Variants in MTUS2 observed in about 807,000 individuals in gnomAD.
MTUS2 encodes the protein microtubule associated scaffold protein 2, also known as microtubule-associated tumor suppressor candidate 2.
MTUS2 carries 40 observed loss-of-function variants against 114.1 expected under a neutral mutation model. The observed-to-expected ratio is 0.35, with a 90% CI of 0.27 to 0.46. The LOEUF (loss-of-function observed/expected upper bound fraction) is 0.46, where lower values mean the gene tolerates loss of function less well. Among genes scored for constraint, MTUS2 ranks in the 20% least tolerant of loss-of-function variants. The pLI is 1.00. For synonymous variants in MTUS2, 688 were observed against 672.0 expected, an observed-to-expected ratio of 1.02 and a Z score of -0.37; for missense variants, 1,679 against 1,705.4, an observed-to-expected ratio of 0.98 and a Z score of 0.27.
In MTUS2 at chr13:29,482,281, G is replaced by A. The variant is rs572757099; in HGVS notation, c.3399+1917G>A. ...AGCATCTCCACTCAGGGGCCAGGAC[G>A]CCTCGCTGAGGCCTCACCTATGCAG... On this transcript the variant is annotated intron_variant, in intron 10 of 15. Transcript: ENST00000612955. 4.6e-5 allele frequency: 7 copies of A among 152,312 alleles called. No homozygotes were observed. In the East Asian group the frequency reaches 5.8e-4, roughly 13 times the overall value. 9.4% of individuals were successfully genotyped at this position (152,312 alleles called of 1,614,324 possible).
At chr13:28,926,413 A>AGT (rs994854624) in intron 2 of MTUS2, among the ~76,000 whole-genome samples, 4 of 151,120 alleles carry the variant, frequency 2.6e-5, no homozygotes, top group African/African-American at 9.9e-5. Context: ...AATTTACTGA[A>AGT]GTATATACCC....
At chr13:29,130,009 C>A (rs1320357006) in intron 5 of MTUS2, among the ~76,000 whole-genome samples, 1 of 151,926 alleles carries the variant, frequency 6.6e-6, no homozygotes, top group Non-Finnish European at 1.5e-5. Flanking sequence ...GAGCCTTCAC[C>A]CTTTGTGTTT....
At chr13:29,008,161 G>A (rs1467002151) in intron 2 of MTUS2, among the ~76,000 whole-genome samples, 2 of 152,078 alleles carry the variant, frequency 1.3e-5, no homozygotes, top group Non-Finnish European at 2.9e-5. Flanking sequence ...TTTGCCACTT[G>A]ATTCAGTAAC....
chr13:29,277,015 A>T (rs1898091758), intron 5 of MTUS2, among the ~76,000 whole-genome samples: 1 of 152,192 alleles, frequency 6.6e-6, no homozygotes, highest in Non-Finnish European at 1.5e-5. Flanking sequence ...TCCCTACTTC[A>T]TACCCTTCAA....
At chr13:29,495,168 C>A (rs1593517389) in intron 12 of MTUS2, among the ~76,000 whole-genome samples, 1 of 81,174 alleles carries the variant, frequency 1.2e-5, no homozygotes, top group East Asian at 3.3e-4. Flanking sequence ...TGGACAAGAG[C>A]AAAACTCCGT....
chr13:28,946,853 A>G (rs1273483118), intron 2 of MTUS2, among the ~76,000 whole-genome samples: 1 of 152,068 alleles, frequency 6.6e-6, no homozygotes, highest in Admixed American at 6.6e-5. Flanking sequence ...CTGACCAGTC[A>G]CCAGTTTTTA....
At chr13:29,154,546 T>C (rs2139051167) in intron 5 of MTUS2, among the ~76,000 whole-genome samples, 1 of 152,326 alleles carries the variant, frequency 6.6e-6, no homozygotes, top group East Asian at 1.9e-4. Context: ...TTTGCAATGA[T>C]AGTGCAAAAT....
At chr13:28,825,229 G>A (rs1387079607) in intron 1 of MTUS2, among the ~76,000 whole-genome samples, 2 of 152,198 alleles carry the variant, frequency 1.3e-5, no homozygotes, top group Non-Finnish European at 2.9e-5. Context: ...CTGAATAGGA[G>A]TAAGGAATGA....
intron 2 of MTUS2, among the ~76,000 whole-genome samples, chr13:28,902,588 A>G (rs1879709119): frequency 1.3e-5 from 2 of 152,106 alleles, no homozygotes; most frequent in South Asian, 4.1e-4. Context: ...TAATTGATAC[A>G]ATCTTGCTTC....
intron 5 of MTUS2, among the ~76,000 whole-genome samples, chr13:29,134,241 A>G (rs1483129051): frequency 1.3e-5 from 2 of 152,122 alleles, no homozygotes; most frequent in African/African-American, 4.8e-5. Context: ...TTGTAGTAAG[A>G]GAAGAAAATT....
rs1305315881 is a variant in MTUS2, at chr13:29,442,522, T to TA, written c.3184+2474dup. Among the ~76,000 whole-genome samples, 10 of 152,358 alleles carry TA rather than the reference T, an allele frequency of 6.6e-5. No individual in the cohort carries two copies. The South Asian group carries it at 1.5e-3, about 22-fold the overall frequency. On this transcript the variant is annotated intron_variant, in intron 9 of 15. Coordinates refer to ENST00000612955, the MANE Select transcript of MTUS2 (RefSeq NM_001033602.4). ...ACACTGATTTTCACTGCATACTTTTTATCACAGCAGCAGCCAAAACCTCAG... is the reference window on the plus strand; with the variant it reads ...ACACTGATTTTCACTGCATACTTTTTAATCACAGCAGCAGCCAAAACCTCAG...
intron 5 of MTUS2, chr13:29,250,668 C>T (rs566033414): frequency 1.3e-5 from 2 of 152,120 alleles, no homozygotes; most frequent in African/African-American, 4.8e-5. Context: ...TGATTCTATG[C>T]TTTCAGAAAT....
chr13:28,964,240 C>A (rs1333036000), intron 2 of MTUS2, among the ~76,000 whole-genome samples: 1 of 152,204 alleles, frequency 6.6e-6, no homozygotes, highest in Non-Finnish European at 1.5e-5. Flanking sequence ...ACTGCTGACT[C>A]TGCTGCTAAG....
intron 5 of MTUS2, among the ~76,000 whole-genome samples, chr13:29,201,948 A>G (rs1406600858): frequency 6.6e-6 from 1 of 151,822 alleles, no homozygotes; most frequent in South Asian, 2.1e-4. Context: ...TCTTTCTTTC[A>G]TTTCAACCTT....
chr13:28,892,033 C>T (rs774549323), intron 2 of MTUS2, among the ~76,000 whole-genome samples: 4 of 152,056 alleles, frequency 2.6e-5, no homozygotes, highest in Non-Finnish European at 5.9e-5. Context: ...CAGCCTGGCT[C>T]TAGGGCTTCC....
intron 8 of MTUS2, among the ~76,000 whole-genome samples, chr13:29,398,349 T>C (rs1381724653): frequency 6.6e-6 from 1 of 151,658 alleles, no homozygotes; most frequent in African/African-American, 2.4e-5. Flanking sequence ...TAATCCCAGC[T>C]ACTTGGGAGG....
rs564395302 is a variant in MTUS2, at chr13:29,284,584, C to CCA, written c.2806+2719_2806+2720insCA. The stretch of plus-strand genomic sequence containing the variant: ...TCTAAAACTCAAAAATGAAATTAAA[C>CCA]AAATGGAAGTAATTGCATAGCCCGT... On this transcript the variant is annotated intron_variant, in intron 6 of 15. Coordinates refer to ENST00000612955, the MANE Select transcript of MTUS2 (RefSeq NM_001033602.4). Among the ~76,000 whole-genome samples, 7 of 152,162 alleles carry CCA rather than the reference C, an allele frequency of 4.6e-5. No homozygotes were observed. In the South Asian group the frequency reaches 1.2e-3, roughly 27 times the overall value.
At chr13:29,022,918 T>C (rs543521589) in intron 2 of MTUS2, among the ~76,000 whole-genome samples, 1 of 152,376 alleles carries the variant, frequency 6.6e-6, no homozygotes, top group South Asian at 2.1e-4. Context: ...TCATTTGTGC[T>C]GCAAATACAT....
Position 29,389,295 on chromosome 13 carries a change from G to GTA in MTUS2, c.3117+29823_3117+29824insAT, listed in dbSNP as rs1566172159. Among the ~76,000 whole-genome samples, 379 of 145,876 alleles carry GTA rather than the reference G, an allele frequency of 2.6e-3. 20 individuals carry two copies. The highest frequency in any genetic ancestry group is 9.4e-3 in the African/African-American group (357 of 37,928). The stretch of plus-strand genomic sequence containing the variant: ...TATGTATATATGTATACACATATGT[G>GTA]TGTATATGTGTATATATGTATACAC... On this transcript the variant is annotated intron_variant, in intron 8 of 15. Coordinates refer to ENST00000612955, the MANE Select transcript of MTUS2 (RefSeq NM_001033602.4).
Sources: gnomAD v4.1 joint callset for allele counts (sites outside exome capture counted in the v4.1 genomes callset) on GRCh38, gnomAD v4.1.1 for gene constraint, MANE v1.5 for transcripts, NCBI Gene and HGNC (gene_info 2026-07-23, HGNC 2026-07-21) for gene names.